Variants in CNTNAP2 observed in about 807,000 individuals in gnomAD.
CNTNAP2 encodes contactin-associated protein-like 2.
Under a neutral mutation model 155.2 loss-of-function variants are expected in CNTNAP2, and 98 were observed. That is an observed-to-expected ratio of 0.63 (90% CI 0.54 to 0.75). CNTNAP2 has a LOEUF of 0.75. Ranked by LOEUF, CNTNAP2 falls within the 30% of genes least tolerant of loss-of-function variation. The pLI is 0.00. For missense variants in CNTNAP2, 1,727 were observed against 1,688.1 expected, an observed-to-expected ratio of 1.02 and a Z score of -0.40; for synonymous variants, 651 against 631.2, an observed-to-expected ratio of 1.03 and a Z score of -0.47.
At chr7:146,169,783 G>C (rs1442301152) in intron 1 of CNTNAP2, among the ~76,000 whole-genome samples, 1 of 150,438 alleles carries the variant, frequency 6.6e-6, no homozygotes, top group Non-Finnish European at 1.5e-5. Flanking sequence ...CCATGTTGTT[G>C]CAAATGGCAA....
intron 14 of CNTNAP2, among the ~76,000 whole-genome samples, chr7:147,935,136 CT>C (rs967482267): frequency 2.0e-5 from 3 of 148,210 alleles, no homozygotes; most frequent in African/African-American, 5.0e-5. Flanking sequence ...ATCTTTCTTT[CT>C]TTTTTTTTGA....
At chr7:147,816,858 T>TG (rs147566049) in intron 13 of CNTNAP2, among the ~76,000 whole-genome samples, 16,434 of 152,134 alleles carry the variant, frequency 0.11, 1,160 homozygotes, top group East Asian at 0.21. Context: ...GATAAAATAT[T>TG]AAAAAGAACT....
chr7:148,142,710 A>G (rs945362547), intron 16 of CNTNAP2, among the ~76,000 whole-genome samples: 1 of 152,218 alleles, frequency 6.6e-6, no homozygotes, highest in Admixed American at 6.5e-5. Context: ...GTGGTCTAAT[A>G]TCTAAATGCT....
At chr7:147,030,016 G>A (rs527863091) in intron 3 of CNTNAP2, among the ~76,000 whole-genome samples, 39 of 152,218 alleles carry the variant, frequency 2.6e-4, no homozygotes, top group South Asian at 1.9e-3. Context: ...AAATACCTGC[G>A]AAAAGCAATG....
chr7:147,883,193 A>G (rs1161327486), intron 13 of CNTNAP2, among the ~76,000 whole-genome samples: 1 of 152,178 alleles, frequency 6.6e-6, no homozygotes, highest in South Asian at 2.1e-4. Flanking sequence ...AATTAGTTTC[A>G]GCCAGCCTCA....
intron 10 of CNTNAP2, among the ~76,000 whole-genome samples, chr7:147,444,525 C>CTTTTTTT (rs557707358): frequency 7.6e-6 from 1 of 131,878 alleles, no homozygotes; most frequent in African/African-American, 2.7e-5. Context: ...ATTAAATTTT[C>CTTTTTTT]TTTTTTTTTT....
At chr7:148,344,133 T>C (rs1462855365) in intron 21 of CNTNAP2, among the ~76,000 whole-genome samples, 1 of 152,224 alleles carries the variant, frequency 6.6e-6, no homozygotes, top group Non-Finnish European at 1.5e-5. Context: ...GCAGAGCCTT[T>C]GACTCAGTCT....
chr7:147,430,185 A>C (rs1339456034), intron 10 of CNTNAP2, among the ~76,000 whole-genome samples: 1 of 152,206 alleles, frequency 6.6e-6, no homozygotes, highest in Non-Finnish European at 1.5e-5. Flanking sequence ...CTCTCAACTC[A>C]CCATGAGCCA....
At chr7:146,738,273 AT>A (rs149699996) in intron 1 of CNTNAP2, among the ~76,000 whole-genome samples, 1 of 151,228 alleles carries the variant, frequency 6.6e-6, no homozygotes, top group Non-Finnish European at 1.5e-5. Context: ...GATGTTCAAC[AT>A]TTTTTTTCAT....
intron 10 of CNTNAP2, among the ~76,000 whole-genome samples, chr7:147,433,780 T>A (rs1347025156): frequency 6.6e-6 from 1 of 152,198 alleles, no homozygotes; most frequent in African/African-American, 2.4e-5. Context: ...ACTCTGTGAA[T>A]GTCTAAAAGA....
intron 3 of CNTNAP2, among the ~76,000 whole-genome samples, chr7:146,867,270 T>C (rs1321456083): frequency 2.6e-5 from 4 of 152,140 alleles, no homozygotes; most frequent in Non-Finnish European, 5.9e-5. Flanking sequence ...GAACATGTGG[T>C]ATTTGGTTTT....
chr7:147,200,569 G>A (rs1207858827), intron 8 of CNTNAP2, among the ~76,000 whole-genome samples: 1 of 152,158 alleles, frequency 6.6e-6, no homozygotes, highest in Non-Finnish European at 1.5e-5. Context: ...CTAGTGGACA[G>A]CAAATACACC....
Position 147,395,692 on chromosome 7 carries a change from G to A in CNTNAP2, c.1582G>A (p.Asp528Asn), listed in dbSNP as rs761732433. The A allele has an allele frequency of 9.9e-6, 16 of 1,612,414 alleles. No homozygotes were observed. Among genetic ancestry groups the A allele is most frequent in the African/African-American group, 1.3e-5 (1 of 74,804 alleles). ...QGCMQLIQVD[D>N]QLVNLYEVAQ... ...ATGCATGCAGCTCATTCAAGTGGAC[G>A]ATCAACTTGTAAATTTATACGAAGT... Residue 528 changes from aspartate to asparagine, a missense_variant, in exon 10 of 24, where the codon GAT becomes AAT. Transcript: ENST00000361727.
chr7:146,584,739 G>A (rs1341786842), intron 1 of CNTNAP2, among the ~76,000 whole-genome samples: 1 of 152,138 alleles, frequency 6.6e-6, no homozygotes, highest in African/African-American at 2.4e-5. Flanking sequence ...CACTTCTGAA[G>A]CAATCCTAAT....
At chr7:148,372,063 G>A (rs1287114757) in intron 21 of CNTNAP2, among the ~76,000 whole-genome samples, 1 of 152,042 alleles carries the variant, frequency 6.6e-6, no homozygotes, top group East Asian at 1.9e-4. Flanking sequence ...TTAGCTGGGT[G>A]TGGTGGTGTG....
chr7:147,445,191 T>C (rs941722555), intron 10 of CNTNAP2, among the ~76,000 whole-genome samples: 7 of 152,216 alleles, frequency 4.6e-5, no homozygotes, highest in Non-Finnish European at 7.3e-5. Context: ...TAACCTGATC[T>C]GTCCTCTCAG....
At chr7:147,210,793 A>T (rs570003616) in intron 8 of CNTNAP2, among the ~76,000 whole-genome samples, 1 of 152,062 alleles carries the variant, frequency 6.6e-6, no homozygotes, top group East Asian at 1.9e-4. Context: ...TTTATTTTTT[A>T]AAAATGTATT....
chr7:146,936,130 C>T (rs1253527707), intron 3 of CNTNAP2, among the ~76,000 whole-genome samples: 4 of 152,090 alleles, frequency 2.6e-5, no homozygotes, highest in Admixed American at 1.3e-4. Context: ...GCATTAAGGC[C>T]CTAAAGTTTG....
intron 13 of CNTNAP2, among the ~76,000 whole-genome samples, chr7:147,703,612 A>C (rs1028668715): frequency 6.6e-6 from 1 of 152,206 alleles, no homozygotes; most frequent in African/African-American, 2.4e-5. Context: ...TATGAGATAC[A>C]CGTGATATTT....
Sources: allele counts gnomAD v4.1 joint callset (sites outside exome capture counted in the v4.1 genomes callset), GRCh38; gene constraint gnomAD v4.1.1; transcripts MANE v1.5; gene names NCBI Gene and HGNC (gene_info 2026-07-23, HGNC 2026-07-21).